The following IL1RAPL2 variants were observed in gnomAD, a reference collection of about 807,000 sequenced individuals.
The protein encoded by IL1RAPL2 is interleukin 1 receptor accessory protein like 2.
A neutral mutation model predicts 44.1 loss-of-function variants in IL1RAPL2; 3 were observed. That is an observed-to-expected ratio of 0.07 (90% CI 0.03 to 0.18). IL1RAPL2 has a LOEUF of 0.18. Ranked by LOEUF, IL1RAPL2 falls within the 10% of genes least tolerant of loss-of-function variation. The pLI, the probability that IL1RAPL2 is intolerant of heterozygous loss-of-function variation, is 1.00. For synonymous variants in IL1RAPL2, 181 were observed against 178.8 expected, an observed-to-expected ratio of 1.01 and a Z score of -0.10; for missense variants, 391 against 496.4, an observed-to-expected ratio of 0.79 and a Z score of 2.02.
intron 2 of IL1RAPL2, among the ~76,000 whole-genome samples, chrX:104,950,117 G>A (rs370553006): frequency 1.4e-4 from 16 of 111,415 alleles, no homozygotes; most frequent in East Asian, 2.8e-4. Context: ...TATTGGGTGC[G>A]TATATATTTA....
intron 2 of IL1RAPL2, among the ~76,000 whole-genome samples, chrX:104,724,924 T>G (rs1413577737): frequency 1.8e-5 from 2 of 111,480 alleles, no homozygotes; most frequent in Non-Finnish European, 3.8e-5. Context: ...CTGGGATACA[T>G]GTACAGAATG....
intron 2 of IL1RAPL2, among the ~76,000 whole-genome samples, chrX:104,891,731 C>T: frequency 8.9e-6 from 1 of 111,784 alleles, no homozygotes; most frequent in East Asian, 2.8e-4. Context: ...ACAATCATAT[C>T]ATCTGCAAAC....
intron 2 of IL1RAPL2, among the ~76,000 whole-genome samples, chrX:105,085,430 C>T (rs1216329366): frequency 1.8e-5 from 2 of 111,987 alleles, no homozygotes; most frequent in Non-Finnish European, 3.8e-5. Flanking sequence ...AAATGCTCAA[C>T]ACTGCTAATT....
chrX:105,062,089 G>A (rs1373279501), intron 2 of IL1RAPL2, among the ~76,000 whole-genome samples: 1 of 111,105 alleles, frequency 9.0e-6, no homozygotes, highest in Non-Finnish European at 1.9e-5. Flanking sequence ...GGGGTTTTTT[G>A]TAGTCTTCTC....
intron 2 of IL1RAPL2, among the ~76,000 whole-genome samples, chrX:105,022,248 G>T (rs896424867): frequency 9.0e-6 from 1 of 110,892 alleles, no homozygotes; most frequent in African/African-American, 3.3e-5. Context: ...CTCTTGTAAA[G>T]CTAGGCAGCC....
intron 6 of IL1RAPL2, among the ~76,000 whole-genome samples, chrX:105,656,474 C>T (rs2037678223): frequency 1.8e-5 from 2 of 111,590 alleles, no homozygotes; most frequent in Non-Finnish European, 3.8e-5. Flanking sequence ...TTATTGAGCA[C>T]GTATTTTGTG....
chrX:105,371,601 G>T (rs1215548601), intron 5 of IL1RAPL2, among the ~76,000 whole-genome samples: 1 of 111,465 alleles, frequency 9.0e-6, no homozygotes, highest in African/African-American at 3.3e-5. Context: ...CAGTAGGTAG[G>T]TATGTAAACA....
intron 6 of IL1RAPL2, among the ~76,000 whole-genome samples, chrX:105,611,869 T>G (rs893770856): frequency 8.9e-6 from 1 of 112,025 alleles, no homozygotes; most frequent in African/African-American, 3.2e-5. Context: ...TTTCTTTTTT[T>G]ATCATGGTGT....
intron 2 of IL1RAPL2, among the ~76,000 whole-genome samples, chrX:104,727,410 A>G (rs756192960): frequency 9.0e-6 from 1 of 111,610 alleles, no homozygotes; most frequent in South Asian, 3.7e-4. Context: ...GTCAAAATGG[A>G]TATTATTAAA....
At chrX:105,484,468 T>C in intron 6 of IL1RAPL2, 81 bp downstream of exon 6, 1 of 643,020 alleles carries the variant, frequency 1.6e-6, no homozygotes, top group East Asian at 3.3e-5. Context: ...CCAGGAAAGG[T>C]TTATTGCCAC....
intron 2 of IL1RAPL2, among the ~76,000 whole-genome samples, chrX:105,016,137 T>A (rs2031170795): frequency 9.0e-6 from 1 of 111,620 alleles, no homozygotes; most frequent in Non-Finnish European, 1.9e-5. Context: ...TGTATAGGAA[T>A]GCTTGTGATT....
chrX:105,573,254 T>C (rs1473932290), intron 6 of IL1RAPL2, among the ~76,000 whole-genome samples: 1 of 110,840 alleles, frequency 9.0e-6, no homozygotes, highest in Non-Finnish European at 1.9e-5. Context: ...AAGCAGGGTC[T>C]TGCCATGCTT....
intron 2 of IL1RAPL2, among the ~76,000 whole-genome samples, chrX:104,711,765 A>C (rs1272518150): frequency 9.0e-6 from 1 of 111,011 alleles, no homozygotes; most frequent in Non-Finnish European, 1.9e-5. Context: ...GGGAGGAGAC[A>C]CTGGAAGAGA....
chrX:104,634,369 G>A (rs930719536), intron 1 of IL1RAPL2, among the ~76,000 whole-genome samples: 19 of 111,534 alleles, frequency 1.7e-4, no homozygotes, highest in Admixed American at 4.8e-4. Context: ...TCCACTTGGT[G>A]CAGAGCTGAG....
At position 104,889,948 on chromosome X, in the gene IL1RAPL2, C is replaced by T. The variant is rs138972865; in HGVS notation, c.82+230953C>T. On this transcript the variant is annotated intron_variant, in intron 2 of 10. Coordinates refer to ENST00000372582, the MANE Select transcript of IL1RAPL2 (RefSeq NM_017416.2). ...GTATCTCCTAATGCTATCCCTCCCC[C>T]CTACCCCCAACCCAAGACAGGTCCT... 2.0e-4 allele frequency among the ~76,000 whole-genome samples: 22 copies of T among 110,835 alleles called. No individual in the cohort carries two copies. In the South Asian group the frequency reaches 7.1e-3, roughly 36 times the overall value.
At chrX:104,629,654 T>A (rs1428940440) in intron 1 of IL1RAPL2, among the ~76,000 whole-genome samples, 1 of 111,931 alleles carries the variant, frequency 8.9e-6, no homozygotes, top group Non-Finnish European at 1.9e-5. Context: ...GTAGTTTTAT[T>A]GTTTGGGATT....
At chrX:105,690,803 C>G (rs1003648733) in intron 6 of IL1RAPL2, among the ~76,000 whole-genome samples, 21 of 111,677 alleles carry the variant, frequency 1.9e-4, no homozygotes, top group African/African-American at 6.8e-4. Context: ...CCAAACATAG[C>G]AAAATATTAT....
chrX:104,909,172 C>G (rs1232786076), intron 2 of IL1RAPL2, among the ~76,000 whole-genome samples: 1 of 112,032 alleles, frequency 8.9e-6, no homozygotes, highest in African/African-American at 3.2e-5. Context: ...TCGTAGTTCT[C>G]GAGCCTTGGT....
At position 104,823,063 on chromosome X, in the gene IL1RAPL2, A is replaced by G. The variant is rs957634147; in HGVS notation, c.82+164068A>G. Among the ~76,000 whole-genome samples the G allele has an allele frequency of 1.6e-4, 18 of 110,858 alleles. 1 individual carries two copies. Among genetic ancestry groups the G allele is most frequent in the Middle Eastern group, 4.6e-3 (1 of 217 alleles). ...TCATGATTTCACTCTCTGTTTGTCT[A>G]TTACTGGTGTATAGGGATGCTTGTG... is the stretch of plus-strand genomic sequence containing the variant. On this transcript the variant is annotated intron_variant, in intron 2 of 10. Coordinates refer to ENST00000372582, the MANE Select transcript of IL1RAPL2 (RefSeq NM_017416.2).
Sources: gnomAD v4.1 joint callset for allele counts (sites outside exome capture counted in the v4.1 genomes callset) on GRCh38, gnomAD v4.1.1 for gene constraint, MANE v1.5 for transcripts, NCBI Gene and HGNC (gene_info 2026-07-23, HGNC 2026-07-21) for gene names.